The following DPH6 variants were observed in gnomAD, a reference collection of about 807,000 sequenced individuals.
DPH6 encodes the protein diphthine--ammonia ligase.
Under a neutral mutation model 38.2 loss-of-function variants are expected in DPH6, and 33 were observed. The observed-to-expected ratio is 0.86, with a 90% CI of 0.65 to 1.15. The LOEUF (loss-of-function observed/expected upper bound fraction) is 1.15, where lower values mean the gene tolerates loss of function less well. DPH6 is among the 50% of genes most tolerant of loss of function. The pLI, the probability that DPH6 is intolerant of heterozygous loss-of-function variation, is 0.00. For missense variants in DPH6, 325 were observed against 320.0 expected (o/e 1.02, Z -0.12); for synonymous variants, 108 against 103.0 (o/e 1.05, Z -0.30).
intron 5 of DPH6, among the ~76,000 whole-genome samples, chr15:35,436,293 C>T (rs201765994): frequency 1.9e-4 from 28 of 151,286 alleles, no homozygotes; most frequent in Middle Eastern, 3.4e-3. Flanking sequence ...GGTGAAACCC[C>T]GTCTCTACTA....
At chr15:35,503,734 T>C in intron 3 of DPH6, among the ~76,000 whole-genome samples, 1 of 152,086 alleles carries the variant, frequency 6.6e-6, no homozygotes, top group East Asian at 1.9e-4. Flanking sequence ...TGAAACACTA[T>C]ATGACAAGAA....
intron 3 of DPH6, chr15:35,489,326 T>C (rs964472679): frequency 1.2e-5 from 12 of 985,040 alleles, no homozygotes; most frequent in African/African-American, 1.7e-5. Context: ...TGATGAGAAA[T>C]AAGAATTTTT....
At chr15:35,510,215 A>T (rs2054749828) in intron 3 of DPH6, among the ~76,000 whole-genome samples, 1 of 152,110 alleles carries the variant, frequency 6.6e-6, no homozygotes. Flanking sequence ...CCTGACTCTA[A>T]AAACAAAAAC....
chr15:35,535,541 T>C lies in DPH6; in HGVS notation c.312+2733A>G, dbSNP rs1036948. On this transcript the variant is annotated intron_variant, in intron 3 of 8. Transcript: ENST00000256538. The stretch of plus-strand genomic sequence containing the variant: ...CCTACATATATTTCCTATAGAGATA[T>C]AGTGCTTATATGTATCTTTCTGTAA... Among the ~76,000 whole-genome samples, 1,185 of 152,254 alleles carry C rather than the reference T, an allele frequency of 7.8e-3. 9 individuals carry two copies. The highest frequency in any genetic ancestry group is 0.042 in the East Asian group (217 of 5,186).
chr15:35,255,379 G>A (rs1356257165), intron 3 of DPH6, among the ~76,000 whole-genome samples: 2 of 152,160 alleles, frequency 1.3e-5, no homozygotes. Flanking sequence ...TAAAAGAGAA[G>A]ATAAATGAGG....
Position 35,546,119 on chromosome 15 carries a change from C to T in DPH6, c.23G>A (p.Ser8Asn). Residue 8 changes from serine to asparagine, a missense_variant and splice_region_variant, in exon 1 of 9, where the codon AGT (serine) becomes AAT (asparagine). Ser to Asn is a conservative substitution (Grantham distance 46). Transcript: ENST00000256538. ...GGAGGCGGCTCCAGGACCGCATTACCTGATCAGAGCCGCGACCCTCATGCT... is the reference window on the plus strand; with the variant it reads ...GGAGGCGGCTCCAGGACCGCATTACTTGATCAGAGCCGCGACCCTCATGCT... MRVAALISGGKDSCYNMM... is the reference protein window; with the variant it reads MRVAALINGGKDSCYNMM... The T allele has an allele frequency of 7.1e-7, 1 of 1,406,758 alleles. No individual in the cohort carries two copies. The highest frequency in any genetic ancestry group is 9.4e-7 in the Non-Finnish European group (1 of 1,066,090). The allele number at this position is 1,406,758 out of a possible 1,614,324, so 87.1% of individuals were successfully genotyped here. A position where few individuals can be genotyped will look rare whatever the true frequency, so the allele number is the denominator to read the frequency against.
chr15:35,489,548 T>C (rs1433525913), intron 3 of DPH6: 1 of 983,178 alleles, frequency 1.0e-6, no homozygotes, highest in Non-Finnish European at 1.2e-6. Flanking sequence ...GATGAGTCTA[T>C]ATCTTTCTCA....
intron 3 of DPH6, among the ~76,000 whole-genome samples, chr15:35,287,494 G>T (rs964964476): frequency 2.0e-5 from 3 of 152,094 alleles, no homozygotes; most frequent in African/African-American, 7.2e-5. Flanking sequence ...GGCATTATTA[G>T]TTTCGTGTGT....
downstream of DPH6, among the ~76,000 whole-genome samples, chr15:35,368,234 A>C (rs2052677909): frequency 6.6e-6 from 1 of 151,908 alleles, no homozygotes; most frequent in African/African-American, 2.4e-5. Flanking sequence ...AAAAGAGAAG[A>C]AGAAAGGAAA....
intron 5 of DPH6, among the ~76,000 whole-genome samples, chr15:35,420,862 C>T (rs1001025674): frequency 3.9e-5 from 6 of 152,050 alleles, no homozygotes; most frequent in African/African-American, 1.5e-4. Flanking sequence ...AAACCCTTAG[C>T]TAGACTAAGA....
the DPH6 span, among the ~76,000 whole-genome samples, chr15:35,189,380 T>A: frequency 6.6e-6 from 1 of 152,228 alleles, no homozygotes; most frequent in Non-Finnish European, 1.5e-5. Flanking sequence ...CTTGCCTCAA[T>A]CTCTCTACCC....
chr15:35,447,019 C>G (rs1165209366), intron 5 of DPH6, among the ~76,000 whole-genome samples: 1 of 152,076 alleles, frequency 6.6e-6, no homozygotes, highest in Admixed American at 6.5e-5. Flanking sequence ...CAGGCGTCCA[C>G]CACCACGCAT....
At chr15:35,446,072 T>G (rs1021455584) in intron 5 of DPH6, among the ~76,000 whole-genome samples, 3 of 152,138 alleles carry the variant, frequency 2.0e-5, no homozygotes, top group Non-Finnish European at 4.4e-5. Context: ...AGTCATGACA[T>G]TATAAGAAAA....
intron 3 of DPH6, among the ~76,000 whole-genome samples, chr15:35,352,682 G>C (rs1212272682): frequency 6.6e-6 from 1 of 152,094 alleles, no homozygotes; most frequent in Non-Finnish European, 1.5e-5. Context: ...GTCTATCATT[G>C]TTGGACATTT....
chr15:35,391,903 A>G (rs1263507967), intron 6 of DPH6, among the ~76,000 whole-genome samples: 1 of 152,254 alleles, frequency 6.6e-6, no homozygotes, highest in Middle Eastern at 3.4e-3. Flanking sequence ...CTCATTTGGA[A>G]ATGCAGAAAT....
At chr15:35,176,291 A>C in the DPH6 span, among the ~76,000 whole-genome samples, 1 of 152,174 alleles carries the variant, frequency 6.6e-6, no homozygotes, top group Non-Finnish European at 1.5e-5. Context: ...ACTATCTCCA[A>C]TTTAAGGCTA....
chr15:35,168,501 T>C, the DPH6 span, among the ~76,000 whole-genome samples: 1 of 152,018 alleles, frequency 6.6e-6, no homozygotes, highest in Non-Finnish European at 1.5e-5. Context: ...CAGTTTTTAC[T>C]GATGATAATG....
At chr15:35,278,911 T>C (rs1006912848) in intron 3 of DPH6, among the ~76,000 whole-genome samples, 3 of 151,664 alleles carry the variant, frequency 2.0e-5, no homozygotes, top group African/African-American at 7.3e-5. Flanking sequence ...TACGTGGGCG[T>C]GGTGGCACAT....
chr15:35,388,896 T>C (rs1397397057), intron 6 of DPH6, among the ~76,000 whole-genome samples: 1 of 152,176 alleles, frequency 6.6e-6, no homozygotes, highest in Non-Finnish European at 1.5e-5. Context: ...TTTGAATGTG[T>C]TTCCTCTTGC....
Sources: gnomAD v4.1 joint callset for allele counts (sites outside exome capture counted in the v4.1 genomes callset) on GRCh38, gnomAD v4.1.1 for gene constraint, MANE v1.5 for transcripts, NCBI Gene and HGNC (gene_info 2026-07-23, HGNC 2026-07-21) for gene names.